Variants in CYP4F8 observed in about 807,000 individuals in gnomAD.
CYP4F8 encodes cytochrome P450 4F8.
CYP4F8 carries 56 observed loss-of-function variants against 55.0 expected under a neutral mutation model. That is an observed-to-expected ratio of 1.02 (90% CI 0.82 to 1.27). The LOEUF is 1.27. CYP4F8 is among the 50% of genes most tolerant of loss of function. CYP4F8 has a pLI of 0.00. For missense variants in CYP4F8, 680 were observed against 682.4 expected, an observed-to-expected ratio of 1.00 and a Z score of 0.04; for synonymous variants, 288 against 267.3, an observed-to-expected ratio of 1.08 and a Z score of -0.76.
intron 2 of CYP4F8, among the ~76,000 whole-genome samples, 194 bp from the exon 3 acceptor site, chr19:15,617,806 A>T (rs1972142747): frequency 2.0e-5 from 3 of 152,132 alleles, no homozygotes; most frequent in Non-Finnish European, 4.4e-5. Flanking sequence ...TTCTACGTGG[A>T]CCCTCAACAG....
At chr19:15,626,496 G>A (rs997417856) in intron 9 of CYP4F8, among the ~76,000 whole-genome samples, 4 of 152,190 alleles carry the variant, frequency 2.6e-5, no homozygotes, top group Non-Finnish European at 5.9e-5. Context: ...TCATGTTTGA[G>A]CATCCATGAA....
chr19:15,619,854 T>C, intron 5 of CYP4F8, 92 bp downstream of exon 5: 1 of 1,476,442 alleles, frequency 6.8e-7, no homozygotes, highest in Non-Finnish European at 9.2e-7. Flanking sequence ...CCTGGGTGGG[T>C]TTGGGGCCAT....
chr19:15,619,366 C>T (rs1972163656), intron 3 of CYP4F8, 124 bp from the exon 4 acceptor site: 3 of 1,174,178 alleles, frequency 2.6e-6, no homozygotes, highest in Middle Eastern at 2.2e-4. Context: ...TGCCCATGGC[C>T]TCCTTCCTGC....
chr19:15,622,058 C>A (rs1972200478), intron 5 of CYP4F8, 161 bp from the exon 6 acceptor site: 2 of 894,670 alleles, frequency 2.2e-6, no homozygotes, highest in Non-Finnish European at 3.2e-6. Context: ...CTAATAGTAA[C>A]AGCTTCCACT....
rs756267304 is a variant in CYP4F8 at position 15,618,045 on chromosome 19, G to A, written c.244G>A (p.Ala82Thr). 1 of 1,614,084 alleles carries A rather than the reference G, an allele frequency of 6.2e-7. No individual in the cohort carries two copies. Residue 82 changes from alanine to threonine, a missense_variant, in exon 3 of 13, where the codon GCC becomes ACC. By Grantham distance (58) the Ala-to-Thr change is moderately conservative. Coordinates refer to ENST00000612078, the MANE Select transcript of CYP4F8 (RefSeq NM_007253.4). The part of the protein sequence containing the change: ...EGLRVLTQLV[A>T]TYPQGFVRWL... ...CTTGAGGGTCCTGACCCAGCTGGTGGCCACCTACCCCCAGGGCTTTGTGAG... is the reference window on the plus strand; with the variant it reads ...CTTGAGGGTCCTGACCCAGCTGGTGACCACCTACCCCCAGGGCTTTGTGAG...
In CYP4F8 at chr19:15,623,176, T is replaced by G; in HGVS notation, c.719T>G (p.Phe240Cys). The G allele has an allele frequency of 6.2e-7, 1 of 1,614,040 alleles. No individual in the cohort carries two copies. Among genetic ancestry groups the G allele is most frequent in the South Asian group, 1.1e-5 (1 of 91,070 alleles). ...ALVVKRNNQF[F>C]RYKDFLYFLT... Reference sequence around the variant, plus strand: ...GTAGTGAAACGGAATAACCAGTTCTTCCGGTACAAGGACTTCCTGTACTTC... The same window carrying G: ...GTAGTGAAACGGAATAACCAGTTCTGCCGGTACAAGGACTTCCTGTACTTC... Residue 240 changes from phenylalanine to cysteine, a missense_variant, in exon 7 of 13, where the codon TTC (phenylalanine) becomes TGC (cysteine). By Grantham distance (205) the Phe-to-Cys change is radical. Transcript: ENST00000612078.
In CYP4F8 at chr19:15,629,187, C is replaced by T. The variant is rs1972303357; in HGVS notation, c.1398-6C>T. ...GTGCAGTCAGACCTTCCACCTTGGC[C>T]CCCAGGAACTGCATCGGGCAGAAGT... On this transcript the variant is annotated splice_polypyrimidine_tract_variant and splice_region_variant and intron_variant, in intron 12 of 12. Transcript: ENST00000612078. The T allele has an allele frequency of 1.2e-6, 2 of 1,600,608 alleles. No homozygotes were observed. The highest frequency in any genetic ancestry group is 4.5e-5 in the East Asian group (2 of 44,434).
At chr19:15,625,070 T>TG (rs1285729743) in intron 9 of CYP4F8, among the ~76,000 whole-genome samples, 2 of 151,888 alleles carry the variant, frequency 1.3e-5, no homozygotes, top group Non-Finnish European at 2.9e-5. Flanking sequence ...TTGTGTTTCT[T>TG]AAAAAAATAT....
At position 15,629,420 on chromosome 19, in the gene CYP4F8, A is replaced by G. The variant is rs767834156; in HGVS notation, c.*62A>G. 12 of 1,489,936 alleles carry G rather than the reference A, an allele frequency of 8.1e-6. No individual in the cohort carries two copies. Among genetic ancestry groups the G allele is most frequent in the Non-Finnish European group, 1.1e-5 (12 of 1,118,676 alleles). The allele number at this position is 1,489,936 out of a possible 1,614,324, so 92.3% of individuals were successfully genotyped here. On this transcript the variant is annotated 3_prime_UTR_variant, in exon 13 of 13. Transcript: ENST00000612078. ...CTACCTTTGCACCAACTACCTTTTC[A>G]GATTTCCGGTAATAAATCTGTGTTG...
At chr19:15,622,145 C>T in intron 5 of CYP4F8, 74 bp from the exon 6 acceptor site, 1 of 1,541,284 alleles carries the variant, frequency 6.5e-7, no homozygotes, top group Non-Finnish European at 8.7e-7. Flanking sequence ...GGGAGTCCAT[C>T]CTGGTGGTTG....
chr19:15,628,128 T>C, intron 9 of CYP4F8, 174 bp from the exon 10 acceptor site: 2 of 918,958 alleles, frequency 2.2e-6, no homozygotes, highest in Non-Finnish European at 3.2e-6. Context: ...AAACACCAGG[T>C]CAACTTTTCT....
rs757268046 is a variant in CYP4F8 at position 15,623,959 on chromosome 19, C to T, written c.986-6C>T. ...AGAGACTCAAGCCTGCCTGGCTGAC[C>T]CTCAGGCCATGACACCACGGCCAGT... On this transcript the variant is annotated splice_region_variant and splice_polypyrimidine_tract_variant and intron_variant, in intron 8 of 12. Coordinates refer to ENST00000612078, the MANE Select transcript of CYP4F8 (RefSeq NM_007253.4). The T allele has an allele frequency of 1.9e-6, 3 of 1,613,926 alleles. No individual in the cohort carries two copies. Among genetic ancestry groups the T allele is most frequent in the Admixed American group, 1.7e-5 (1 of 60,006 alleles).
At chr19:15,619,839 G>A (rs1972171835) in intron 5 of CYP4F8, 77 bp downstream of exon 5, 4 of 1,553,140 alleles carry the variant, frequency 2.6e-6, no homozygotes, top group Non-Finnish European at 3.5e-6. Flanking sequence ...TGGAATGTTG[G>A]CTCTCCTGGG....
chr19:15,629,145 CG>C, intron 12 of CYP4F8, 47 bp from the exon 13 acceptor site: 1 of 1,528,424 alleles, frequency 6.5e-7, no homozygotes, highest in Non-Finnish European at 8.8e-7. Context: ...GCAGTGGGGC[CG>C]GGATCTGGGT....
In CYP4F8 at chr19:15,628,810, C is replaced by G; in HGVS notation, c.1364C>G (p.Pro455Arg). 6.2e-7 allele frequency: 1 copy of G among 1,609,428 alleles called. No individual in the cohort carries two copies. The highest frequency in any genetic ancestry group is 8.5e-7 in the Non-Finnish European group (1 of 1,178,206). The change falls in exon 12 of 13, where the codon CCT becomes CGT. Residue 455 changes from proline to arginine, a missense_variant. Transcript: ENST00000612078. ...CCAGAAAACGCCCAGAAGAGGTCAC[C>G]TATGGCTTTTATTCCTTTCTCGGCG... ...FDPENAQKRS[P>R]MAFIPFSAGP...
Position 15,615,901 on chromosome 19 carries a change from C to T in CYP4F8, c.198+87C>T, listed in dbSNP as rs539967263. 1.2e-4 allele frequency: 79 copies of T among 635,708 alleles called. No individual in the cohort carries two copies. The African/African-American group carries it at 1.5e-3, about 12-fold the overall frequency. 39.4% of individuals were successfully genotyped at this position (635,708 alleles called of 1,614,324 possible). On this transcript the variant is annotated intron_variant, in intron 2 of 12. Coordinates refer to ENST00000612078, the MANE Select transcript of CYP4F8 (RefSeq NM_007253.4). ...TGAGGGGGTGGGCTCGGGTCTGGGA[C>T]GGCAGAGAAACTCACTCATTCCTCT...
intron 5 of CYP4F8, 76 bp from the exon 6 acceptor site, chr19:15,622,143 A>C (rs2038690398): frequency 6.5e-7 from 1 of 1,538,344 alleles, no homozygotes; most frequent in Non-Finnish European, 8.7e-7. Context: ...GGGGGAGTCC[A>C]TCCTGGTGGT....
In CYP4F8 at chr19:15,618,025, G is replaced by A. The variant is rs1972145261; in HGVS notation, c.224G>A (p.Arg75Lys). ...GTCACTCCCACAGAGGAGGGCTTGA[G>A]GGTCCTGACCCAGCTGGTGGCCACC... ...GLVTPTEEGLRVLTQLVATYP... is the reference protein window; with the variant it reads ...GLVTPTEEGLKVLTQLVATYP... The change falls in exon 3 of 13, where the codon AGG becomes AAG. Residue 75 changes from arginine (R) to lysine (K), a missense_variant. Transcript: ENST00000612078. 6.2e-7 allele frequency: 1 copy of A among 1,613,982 alleles called. No homozygotes were observed. Among genetic ancestry groups the A allele is most frequent in the Non-Finnish European group, 8.5e-7 (1 of 1,179,970 alleles).
At position 15,615,688 on chromosome 19, in the gene CYP4F8, G is replaced by T; in HGVS notation, c.72G>T (p.Val24=). 6.2e-7 allele frequency: 1 copy of T among 1,614,026 alleles called. No homozygotes were observed. The change falls in exon 2 of 13, where the codon GTG becomes GTT. Residue 24 remains valine, a synonymous_variant. Coordinates refer to ENST00000612078, the MANE Select transcript of CYP4F8 (RefSeq NM_007253.4). ...VAASPWLLLL[V]VGASWLLARI... ...CATCCCCGTGGCTGCTCCTGCTGGT[G>T]GTCGGGGCCTCCTGGCTCCTGGCCC... is the stretch of plus-strand genomic sequence containing the variant.
Sources: allele counts gnomAD v4.1 joint callset (sites outside exome capture counted in the v4.1 genomes callset), GRCh38; gene constraint gnomAD v4.1.1; transcripts MANE v1.5; gene names NCBI Gene and HGNC (gene_info 2026-07-23, HGNC 2026-07-21).